The following NAA25 variants were observed in gnomAD, a reference collection of about 807,000 sequenced individuals.
NAA25 encodes the protein N-alpha-acetyltransferase 25, NatB auxiliary subunit.
In NAA25, 30 loss-of-function variants were observed where a neutral mutation model predicts 132.5. The ratio of observed to expected loss-of-function variants is 0.23; its 90% CI spans 0.17 to 0.31. The LOEUF (loss-of-function observed/expected upper bound fraction) is 0.31. Ranked by LOEUF, NAA25 falls within the 10% of genes least tolerant of loss-of-function variation. The probability of loss-of-function intolerance (pLI) is 1.00; values close to 1 mark genes in which losing one functional copy is unlikely to be tolerated. For missense variants in NAA25, 771 were observed against 1,150.4 expected, an observed-to-expected ratio of 0.67 and a Z score of 4.77; for synonymous variants, 359 against 401.9, an observed-to-expected ratio of 0.89 and a Z score of 1.28.
chr12:112,078,435 A>C (rs1242590288), intron 6 of NAA25, among the ~76,000 whole-genome samples, 169 bp from the exon 7 acceptor site: 1 of 152,244 alleles, frequency 6.6e-6, no homozygotes, highest in Non-Finnish European at 1.5e-5. Flanking sequence ...TCTCCCGTCT[A>C]TACACATCTC....
chr12:112,044,000 T>C, intron 17 of NAA25, 132 bp from the exon 18 acceptor site: 1 of 870,686 alleles, frequency 1.1e-6, no homozygotes, highest in East Asian at 2.7e-5. Context: ...CTATCTCTGC[T>C]CACTGCAAGC....
At chr12:112,104,849 A>T (rs2079339690) in intron 1 of NAA25, among the ~76,000 whole-genome samples, 1 of 151,424 alleles carries the variant, frequency 6.6e-6, no homozygotes, top group Non-Finnish European at 1.5e-5. Flanking sequence ...AAAAAAAACA[A>T]AACAAAAACA....
intron 1 of NAA25, among the ~76,000 whole-genome samples, chr12:112,105,389 G>C (rs560889538): frequency 6.6e-6 from 1 of 152,286 alleles, no homozygotes; most frequent in South Asian, 2.1e-4. Context: ...TAGCAAAAGA[G>C]AATAATTTTA....
intron 5 of NAA25, 88 bp downstream of exon 5, chr12:112,080,972 A>T: frequency 8.5e-7 from 1 of 1,173,336 alleles, no homozygotes; most frequent in Non-Finnish European, 1.3e-6. Context: ...TCTCAAACAA[A>T]AAAAACCAGT....
intron 1 of NAA25, 51 bp from the exon 2 acceptor site, chr12:112,093,187 T>G (rs1156306653): frequency 4.5e-6 from 5 of 1,110,910 alleles, no homozygotes; most frequent in Non-Finnish European, 6.8e-6. Context: ...CAATAACAAA[T>G]ATAAAAAATG....
chr12:112,080,920 A>G (rs530425144), intron 5 of NAA25, 140 bp downstream of exon 5: 1 of 767,148 alleles, frequency 1.3e-6, no homozygotes, highest in South Asian at 1.5e-5. Flanking sequence ...GTGAGCTATG[A>G]TTGCACCACT....
At chr12:112,034,847 A>G (rs2078203277) in intron 22 of NAA25, 1 of 151,656 alleles carries the variant, frequency 6.6e-6, no homozygotes, top group Admixed American at 6.6e-5. Flanking sequence ...AAGAAATTAT[A>G]TTATAAATGT....
At chr12:112,097,964 T>C (rs1010360340) in intron 1 of NAA25, among the ~76,000 whole-genome samples, 4 of 150,164 alleles carry the variant, frequency 2.7e-5, no homozygotes, top group African/African-American at 9.8e-5. Flanking sequence ...CCAAAAAAAG[T>C]ACAAAAATTA....
Position 112,108,747 on chromosome 12 carries a change from G to T in NAA25, c.27C>A (p.Asp9Glu). ...TGGGCCGGAGGCGCCTGTCGTTAGG[G>T]TCCTGCACATGGCCCCGCGTCGCCA... is the stretch of plus-strand genomic sequence containing the variant. MATRGHVQDPNDRRLRPIY... is the reference protein window; with the variant it reads MATRGHVQEPNDRRLRPIY... Residue 9 changes from aspartate (D) to glutamate (E), a missense_variant, in exon 1 of 24, where the codon GAC becomes GAA. Coordinates refer to ENST00000261745, the MANE Select transcript of NAA25 (RefSeq NM_024953.4). The T allele has an allele frequency of 1.3e-6, 2 of 1,530,920 alleles. No homozygotes were observed. The highest frequency in any genetic ancestry group is 8.8e-7 in the Non-Finnish European group (1 of 1,136,498). 94.8% of individuals were successfully genotyped at this position (1,530,920 alleles called of 1,614,324 possible).
intron 1 of NAA25, among the ~76,000 whole-genome samples, chr12:112,103,262 C>T (rs1196554924): frequency 6.6e-6 from 1 of 152,192 alleles, no homozygotes; most frequent in Non-Finnish European, 1.5e-5. Context: ...GCTGGGATTA[C>T]AAGCATGAGC....
At chr12:112,095,238 C>A (rs1281575021) in intron 1 of NAA25, among the ~76,000 whole-genome samples, 1 of 151,824 alleles carries the variant, frequency 6.6e-6, no homozygotes, top group African/African-American at 2.4e-5. Context: ...GAGATTGAGA[C>A]CATCCTGGCT....
chr12:112,060,968 C>T (rs1447145888), intron 12 of NAA25, among the ~76,000 whole-genome samples: 1 of 152,072 alleles, frequency 6.6e-6, no homozygotes, highest in Non-Finnish European at 1.5e-5. Flanking sequence ...CTCATCAGAT[C>T]AAGAAGAATA....
chr12:112,094,054 A>G (rs760806632), intron 1 of NAA25, among the ~76,000 whole-genome samples: 5 of 151,958 alleles, frequency 3.3e-5, no homozygotes, highest in Non-Finnish European at 5.9e-5. Context: ...CCTGGCTAAC[A>G]TGGTGGAAAA....
intron 2 of NAA25, among the ~76,000 whole-genome samples, chr12:112,091,292 C>A (rs75045503): frequency 2.7e-5 from 4 of 150,582 alleles, no homozygotes; most frequent in Middle Eastern, 7.2e-3. Flanking sequence ...TGCACTCATG[C>A]GTATAACACT....
At chr12:112,059,917 C>T (rs2136857221) in intron 13 of NAA25, among the ~76,000 whole-genome samples, 1 of 151,968 alleles carries the variant, frequency 6.6e-6, no homozygotes, top group African/African-American at 2.4e-5. Context: ...AAGCAATTCT[C>T]CTGCCTCAGC....
intron 11 of NAA25, among the ~76,000 whole-genome samples, chr12:112,068,123 C>T (rs2078746169): frequency 1.3e-5 from 2 of 152,234 alleles, no homozygotes; most frequent in South Asian, 2.1e-4. Context: ...ACTGCAGCCT[C>T]GAACTCCTGG....
At chr12:112,084,913 ATGG>A (rs2079023191) in intron 4 of NAA25, among the ~76,000 whole-genome samples, 1 of 151,778 alleles carries the variant, frequency 6.6e-6, no homozygotes, top group Non-Finnish European at 1.5e-5. Context: ...CCCGGCCAAC[ATGG>A]TGAAACCCCA....
In NAA25 at chr12:112,071,911, G is replaced by A. The variant is rs1032141379; in HGVS notation, c.1020C>T (p.Asn340=). The change falls in exon 10 of 24, where the codon AAC becomes AAT. Residue 340 remains asparagine (N), a synonymous_variant. Coordinates refer to ENST00000261745, the MANE Select transcript of NAA25 (RefSeq NM_024953.4). ...LIRRLRSQGC[N]DEYKLGDPEE... ...GTTTCTTACCCAGTTTGTACTCATC[G>A]TTACAACCTTGACTTCGTAAACGCC... 7.4e-6 allele frequency: 12 copies of A among 1,613,032 alleles called. No individual in the cohort carries two copies. The highest frequency in any genetic ancestry group is 1.0e-5 in the Non-Finnish European group (12 of 1,179,780).
intron 1 of NAA25, among the ~76,000 whole-genome samples, chr12:112,104,407 GA>G (rs925337773): frequency 5.2e-4 from 79 of 151,268 alleles, no homozygotes; most frequent in Non-Finnish European, 9.6e-4. Flanking sequence ...AAACAAAAAA[GA>G]AAAAAAAGAA....
Sources: gnomAD v4.1 joint callset for allele counts (sites outside exome capture counted in the v4.1 genomes callset) on GRCh38, gnomAD v4.1.1 for gene constraint, MANE v1.5 for transcripts, NCBI Gene and HGNC (gene_info 2026-07-23, HGNC 2026-07-21) for gene names.